DUSP22: variants seen among roughly 807,000 people sequenced by gnomAD.
DUSP22 encodes the protein dual specificity protein phosphatase 22.
DUSP22 carries 24 observed loss-of-function variants against 24.5 expected under a neutral mutation model. The observed-to-expected ratio is 0.98, with a 90% CI of 0.71 to 1.38. The LOEUF is 1.38. Among genes scored for constraint, DUSP22 ranks in the 40% most tolerant of loss-of-function variants. DUSP22 has a pLI of 0.00. For synonymous variants in DUSP22, 160 were observed against 106.4 expected, an observed-to-expected ratio of 1.50 and a Z score of -3.10; for missense variants, 330 against 269.2, an observed-to-expected ratio of 1.23 and a Z score of -1.58.
intron 3 of DUSP22, among the ~76,000 whole-genome samples, chr6:334,307 C>G (rs1759268498): frequency 6.6e-6 from 1 of 152,306 alleles, no homozygotes; most frequent in Non-Finnish European, 1.5e-5. Context: ...GCCATAATCT[C>G]TTACAAAGAG....
At position 348,945 on chromosome 6, in the gene DUSP22, G is replaced by C. The variant is rs567449437; in HGVS notation, c.612G>C (p.Glu204Asp). ...APLTYDNYTT[E>D]T Reference sequence around the variant, plus strand: ...TGACCTACGATAATTATACGACGGAGACCTAACGCAAGCGACCTGCTGCCT... The same window carrying C: ...TGACCTACGATAATTATACGACGGACACCTAACGCAAGCGACCTGCTGCCT... The change falls in exon 7 of 7, where the codon GAG (glutamate) becomes GAC (aspartate). Residue 204 changes from glutamate (E) to aspartate (D), a missense_variant. By Grantham distance (45) the Glu-to-Asp change is conservative. Coordinates refer to ENST00000419235, the MANE Select transcript of DUSP22 (RefSeq NM_001286555.3). The C allele has an allele frequency of 1.9e-6, 3 of 1,595,476 alleles. No individual in the cohort carries two copies. Among genetic ancestry groups the C allele is most frequent in the Non-Finnish European group, 1.7e-6 (2 of 1,170,238 alleles).
At chr6:331,173 A>G (rs964587771) in intron 3 of DUSP22, among the ~76,000 whole-genome samples, 2 of 152,294 alleles carry the variant, frequency 1.3e-5, no homozygotes, top group African/African-American at 4.8e-5. Flanking sequence ...TTGACGTTTA[A>G]TAGCCTCATA....
chr6:316,325 G>C (rs561207837), intron 3 of DUSP22, among the ~76,000 whole-genome samples: 1 of 152,298 alleles, frequency 6.6e-6, no homozygotes, highest in Non-Finnish European at 1.5e-5. Flanking sequence ...GTAAAATGGC[G>C]GAAAATCATT....
intron 2 of DUSP22, among the ~76,000 whole-genome samples, chr6:309,390 G>C (rs948972837): frequency 1.3e-5 from 2 of 152,294 alleles, no homozygotes; most frequent in African/African-American, 2.4e-5. Flanking sequence ...CAAAATACTT[G>C]AAAACAATAG....
At chr6:320,825 G>T (rs575565084) in intron 3 of DUSP22, among the ~76,000 whole-genome samples, 1 of 152,420 alleles carries the variant, frequency 6.6e-6, no homozygotes, top group Non-Finnish European at 1.5e-5. Context: ...ACGGGTGAGG[G>T]TGGTGCTGTC....
At chr6:319,274 T>C (rs903106580) in intron 3 of DUSP22, among the ~76,000 whole-genome samples, 2 of 152,302 alleles carry the variant, frequency 1.3e-5, no homozygotes, top group Non-Finnish European at 1.5e-5. Context: ...GACAGGTAGA[T>C]TTCATTTGAA....
chr6:330,946 G>A (rs1759113310), intron 3 of DUSP22, among the ~76,000 whole-genome samples: 1 of 152,304 alleles, frequency 6.6e-6, no homozygotes, highest in Non-Finnish European at 1.5e-5. Flanking sequence ...GTGTACACCT[G>A]GTCCCCTCAA....
chr6:320,081 A>G (rs1758521083), intron 3 of DUSP22: 1 of 152,552 alleles, frequency 6.6e-6, no homozygotes, highest in Non-Finnish European at 1.5e-5. Flanking sequence ...GAACTCCTGC[A>G]TGGCTGGACT....
At chr6:319,427 A>G (rs1758488280) in intron 3 of DUSP22, among the ~76,000 whole-genome samples, 1 of 152,312 alleles carries the variant, frequency 6.6e-6, no homozygotes, top group Admixed American at 6.5e-5. Flanking sequence ...ACTTTATTTC[A>G]GTCATCTTAA....
chr6:347,045 A>G (rs1200258379), intron 5 of DUSP22, among the ~76,000 whole-genome samples: 1 of 152,308 alleles, frequency 6.6e-6, no homozygotes, highest in Non-Finnish European at 1.5e-5. Context: ...ATAAATACAA[A>G]TGGTAGGATT....
intron 5 of DUSP22, among the ~76,000 whole-genome samples, chr6:347,689 T>C (rs1759947376): frequency 6.6e-6 from 1 of 152,308 alleles, no homozygotes; most frequent in African/African-American, 2.4e-5. Flanking sequence ...AACTCGACTT[T>C]TAAGGAACAT....
intron 3 of DUSP22, among the ~76,000 whole-genome samples, chr6:318,356 T>C (rs887316952): frequency 6.6e-6 from 1 of 152,302 alleles, no homozygotes; most frequent in Admixed American, 6.5e-5. Flanking sequence ...TCATGGAGCT[T>C]ATCCTCATTA....
chr6:304,783 C>T, intron 2 of DUSP22, 122 bp downstream of exon 2: 1 of 1,378,510 alleles, frequency 7.3e-7, no homozygotes. Context: ...GCAGCCATCA[C>T]CAACATCCTT....
intron 3 of DUSP22, among the ~76,000 whole-genome samples, chr6:326,339 C>T (rs1356264704): frequency 3.5e-5 from 5 of 142,526 alleles, no homozygotes; most frequent in Admixed American, 2.1e-4. Context: ...TGGGCTTCTG[C>T]GTTCTGGTGT....
chr6:295,892 G>A (rs1581138387), intron 1 of DUSP22, among the ~76,000 whole-genome samples: 1 of 152,316 alleles, frequency 6.6e-6, no homozygotes, highest in African/African-American at 2.4e-5. Context: ...AGCCCTATGA[G>A]GTCAAACGAC....
At chr6:328,940 G>A (rs1192009245) in intron 3 of DUSP22, among the ~76,000 whole-genome samples, 13 of 152,294 alleles carry the variant, frequency 8.5e-5, no homozygotes, top group Admixed American at 7.2e-4. Context: ...ATGGGATTTC[G>A]AATTCTGCTT....
chr6:294,122 G>C (rs555378823), intron 1 of DUSP22, among the ~76,000 whole-genome samples: 1 of 152,386 alleles, frequency 6.6e-6, no homozygotes, highest in East Asian at 1.9e-4. Flanking sequence ...GAATACAGAT[G>C]GTTGCCTAAG....
At chr6:324,376 G>A (rs1273417375) in intron 3 of DUSP22, among the ~76,000 whole-genome samples, 4 of 152,306 alleles carry the variant, frequency 2.6e-5, no homozygotes, top group South Asian at 2.1e-4. Flanking sequence ...CAAGGAACAC[G>A]CTCTCCCACC....
At chr6:307,748 T>A (rs887840050) in intron 2 of DUSP22, among the ~76,000 whole-genome samples, 89 of 152,380 alleles carry the variant, frequency 5.8e-4, no homozygotes, top group Non-Finnish European at 4.6e-4. Context: ...GTGGGAACGC[T>A]CTTAGGTACT....
Sources: allele counts gnomAD v4.1 joint callset (sites outside exome capture counted in the v4.1 genomes callset), GRCh38; gene constraint gnomAD v4.1.1; transcripts MANE v1.5; gene names NCBI Gene and HGNC (gene_info 2026-07-23, HGNC 2026-07-21).